SIMC1: variants seen among roughly 807,000 people sequenced by gnomAD.
SIMC1 encodes SUMO interacting motifs containing 1, also known as SUMO-interacting motif-containing protein 1.
In SIMC1, 55 loss-of-function variants were observed where a neutral mutation model predicts 82.3. That is an observed-to-expected ratio of 0.67 (90% CI 0.54 to 0.84). SIMC1 has a LOEUF of 0.84. Among genes scored for constraint, SIMC1 ranks in the 40% least tolerant of loss-of-function variants. SIMC1 has a pLI of 0.00. For missense variants in SIMC1, 915 were observed against 1,107.2 expected (o/e 0.83, Z 2.46); for synonymous variants, 353 against 426.3 (o/e 0.83, Z 2.12).
intron 1 of SIMC1, among the ~76,000 whole-genome samples, chr5:176,259,571 G>A (rs537291722): frequency 9.2e-5 from 14 of 152,330 alleles, no homozygotes; most frequent in East Asian, 3.9e-4. Context: ...TCAGGAGTTC[G>A]AGACCAGCCT....
chr5:176,330,104 A>G (rs78604787), intron 7 of SIMC1, among the ~76,000 whole-genome samples: 3,207 of 152,178 alleles, frequency 0.021, 49 homozygotes, highest in Middle Eastern at 0.068. Flanking sequence ...TCCAGTTTAC[A>G]TGAAAGGGAA....
chr5:176,326,210 C>A (rs1024606670), intron 7 of SIMC1, among the ~76,000 whole-genome samples: 2 of 152,164 alleles, frequency 1.3e-5, no homozygotes, highest in African/African-American at 4.8e-5. Context: ...AAACTCCCAG[C>A]TGACAACCAA....
intron 4 of SIMC1, among the ~76,000 whole-genome samples, chr5:176,298,869 T>C (rs1265537929): frequency 6.6e-6 from 1 of 151,538 alleles, no homozygotes; most frequent in East Asian, 1.9e-4. Flanking sequence ...ACAAAAAAAA[T>C]CAATGAAAAA....
chr5:176,344,354 C>T (rs1317527303), intron 9 of SIMC1, among the ~76,000 whole-genome samples: 5 of 152,110 alleles, frequency 3.3e-5, no homozygotes, highest in Admixed American at 6.5e-5. Context: ...CGTGATCACA[C>T]TCATGTTAAA....
At chr5:176,286,307 G>A (rs1418935239) in intron 1 of SIMC1, among the ~76,000 whole-genome samples, 2 of 152,234 alleles carry the variant, frequency 1.3e-5, no homozygotes, top group Non-Finnish European at 2.9e-5. Flanking sequence ...CAATGGAACA[G>A]AACAGAGCCC....
intron 1 of SIMC1, among the ~76,000 whole-genome samples, chr5:176,273,407 C>T (rs1017789592): frequency 6.6e-6 from 1 of 152,154 alleles, no homozygotes; most frequent in African/African-American, 2.4e-5. Context: ...ACAGAAAGGA[C>T]ATTCACACCA....
intron 7 of SIMC1, among the ~76,000 whole-genome samples, chr5:176,325,255 T>A (rs778740451): frequency 2.0e-5 from 3 of 151,976 alleles, no homozygotes; most frequent in Non-Finnish European, 2.9e-5. Context: ...GGCGTGGTGG[T>A]GCACACCTAT....
rs375785492 is a variant in SIMC1, at chr5:176,345,342, C to A, written c.2573C>A (p.Pro858His). The change falls in exon 10 of 10, where the codon CCC (proline) becomes CAC (histidine). Residue 858 changes from proline to histidine, a missense_variant. Pro to His is a moderately conservative substitution (Grantham distance 77, BLOSUM62 -2). Around this residue, in one of 2 missense-constraint regions of SIMC1, gnomAD observed 902 missense variants for 1,040.3 expected, o/e 0.87. Transcript: ENST00000429602. Reference sequence around the variant, plus strand: ...CAGATGCTGGGGGAGCCTCTTGTCCCCCAACTCCAAGACAAAGTGCACTTG... The same window carrying A: ...CAGATGCTGGGGGAGCCTCTTGTCCACCAACTCCAAGACAAAGTGCACTTG... Reference protein sequence around the residue: ...LIQMLGEPLVPQLQDKVHLLK... With the variant: ...LIQMLGEPLVHQLQDKVHLLK... 13 of 1,613,936 alleles carry A rather than the reference C, an allele frequency of 8.1e-6. No individual in the cohort carries two copies. The highest frequency in any genetic ancestry group is 1.1e-5 in the South Asian group (1 of 91,082).
intron 1 of SIMC1, among the ~76,000 whole-genome samples, chr5:176,265,111 A>G (rs1762150312): frequency 6.6e-6 from 1 of 152,214 alleles, no homozygotes; most frequent in South Asian, 2.1e-4. Flanking sequence ...AGAAGATCTC[A>G]AGGAATATAC....
chr5:176,284,046 A>G (rs1318281788), intron 1 of SIMC1, among the ~76,000 whole-genome samples: 2 of 152,188 alleles, frequency 1.3e-5, no homozygotes, highest in Non-Finnish European at 2.9e-5. Flanking sequence ...AGACCTGCAA[A>G]GAGACTTAGA....
chr5:176,289,879 C>A lies in SIMC1; in HGVS notation c.355C>A (p.Pro119Thr), dbSNP rs1763463964. 6.2e-7 allele frequency: 1 copy of A among 1,613,870 alleles called. No homozygotes were observed. The highest frequency in any genetic ancestry group is 8.5e-7 in the Non-Finnish European group (1 of 1,179,842). The part of the protein sequence containing the change: ...MEGHVDRSSQ[P>T]TARRIINSDP... Reference sequence around the variant, plus strand: ...AGGGCACGTGGACAGAAGCTCTCAGCCTACAGCACGGAGAATCATTAACAG... The same window carrying A: ...AGGGCACGTGGACAGAAGCTCTCAGACTACAGCACGGAGAATCATTAACAG... The change falls in exon 2 of 10, where the codon CCT becomes ACT. Residue 119 changes from proline (P) to threonine (T), a missense_variant. Physicochemically the swap from Pro to Thr is conservative, Grantham distance 38. This residue lies in a region of SIMC1 where 902 missense variants were observed against 1,040.3 expected (regional missense o/e 0.87). Transcript: ENST00000429602.
rs774141091 is a variant in SIMC1 at position 176,295,256 on chromosome 5, T to C, written c.1658T>C (p.Ile553Thr). 1.9e-6 allele frequency: 3 copies of C among 1,612,256 alleles called. No homozygotes were observed. The highest frequency in any genetic ancestry group is 1.1e-5 in the South Asian group (1 of 90,824). The change falls in exon 3 of 10, where the codon ATT (isoleucine) becomes ACT (threonine). Residue 553 changes from isoleucine to threonine, a missense_variant. Transcript: ENST00000429602. ...GAGGCCTACATGCTTCTCATGAAAA[T>C]TCAACAGTATGAACCGTAACCTCTG... is the stretch of plus-strand genomic sequence containing the variant. Reference protein sequence around the residue: ...LKEAYMLLMKIQQLHPANAKT... With the variant: ...LKEAYMLLMKTQQLHPANAKT...
chr5:176,336,923 C>T (rs941275797), intron 8 of SIMC1, 47 bp downstream of exon 8: 4 of 1,609,980 alleles, frequency 2.5e-6, no homozygotes, highest in Non-Finnish European at 3.4e-6. Context: ...CCTCTCTTTG[C>T]TCTAGGCCCG....
chr5:176,325,927 T>C (rs1042926346), intron 7 of SIMC1, among the ~76,000 whole-genome samples: 1 of 152,140 alleles, frequency 6.6e-6, no homozygotes, highest in Non-Finnish European at 1.5e-5. Flanking sequence ...GGAATTCAGT[T>C]TCTCTAAACA....
intron 6 of SIMC1, 170 bp downstream of exon 6, chr5:176,322,595 C>T (rs2113370301): frequency 1.2e-6 from 1 of 826,222 alleles, no homozygotes; most frequent in South Asian, 2.9e-5. Flanking sequence ...ATTTCAAAGG[C>T]AGAACAAAAC....
chr5:176,335,498 G>A (rs574947577), intron 7 of SIMC1, among the ~76,000 whole-genome samples: 40 of 151,648 alleles, frequency 2.6e-4, no homozygotes, highest in Non-Finnish European at 2.7e-4. Flanking sequence ...GACTGGTCTC[G>A]AACTCCTGAG....
chr5:176,267,733 GTTTTTTTTT>G (rs1159766316), intron 1 of SIMC1, among the ~76,000 whole-genome samples: 31 of 27,202 alleles, frequency 1.1e-3, no homozygotes, highest in South Asian at 2.2e-3. Flanking sequence ...TTTTCTTTCT[GTTTTTTTTT>G]TTTTTTTTTT....
chr5:176,271,871 T>C (rs1362819706), intron 1 of SIMC1, among the ~76,000 whole-genome samples: 2 of 143,838 alleles, frequency 1.4e-5, no homozygotes, highest in Non-Finnish European at 3.0e-5. Flanking sequence ...TTATATATAA[T>C]ATATAATTAT....
At chr5:176,308,169 G>A in intron 4 of SIMC1, 1 of 1,185,108 alleles carries the variant, frequency 8.4e-7, no homozygotes, top group Non-Finnish European at 1.2e-6. Context: ...GAAGTGATGG[G>A]GCTGTGGATA....
Sources: allele counts gnomAD v4.1 joint callset (sites outside exome capture counted in the v4.1 genomes callset), GRCh38; gene constraint gnomAD v4.1.1; regional missense constraint gnomAD v4.1.1; transcripts MANE v1.5; gene names NCBI Gene and HGNC (gene_info 2026-07-23, HGNC 2026-07-21).